Variants in MGAT4C observed in about 807,000 individuals in gnomAD.
MGAT4C encodes the protein alpha-1,3-mannosyl-glycoprotein 4-beta-N-acetylglucosaminyltransferase C.
Under a neutral mutation model 40.1 loss-of-function variants are expected in MGAT4C, and 19 were observed. The ratio of observed to expected loss-of-function variants is 0.47; its 90% CI spans 0.33 to 0.70. MGAT4C has a LOEUF of 0.70. Ranked by LOEUF, MGAT4C falls within the 30% of genes least tolerant of loss-of-function variation. The pLI, the probability that MGAT4C is intolerant of heterozygous loss-of-function variation, is 0.02. For missense variants in MGAT4C, 491 were observed against 563.2 expected (o/e 0.87, Z 1.30); for synonymous variants, 181 against 187.1 (o/e 0.97, Z 0.27).
At chr12:86,296,397 C>T (rs1592662427) in intron 4 of MGAT4C, among the ~76,000 whole-genome samples, 1 of 30,968 alleles carries the variant, frequency 3.2e-5, no homozygotes, top group Non-Finnish European at 9.7e-5. Flanking sequence ...CCGTGCCATG[C>T]GCTCGCACTC....
At chr12:86,379,253 C>T (rs756387345) in intron 3 of MGAT4C, among the ~76,000 whole-genome samples, 17 of 151,934 alleles carry the variant, frequency 1.1e-4, no homozygotes, top group Non-Finnish European at 2.2e-4. Context: ...AAGCTATCAC[C>T]ATTACTTGAC....
chr12:86,195,388 C>T (rs1949764312), intron 1 of MGAT4C, among the ~76,000 whole-genome samples: 1 of 152,022 alleles, frequency 6.6e-6, no homozygotes, highest in South Asian at 2.1e-4. Context: ...TTTTATTAGG[C>T]TATCAGTAAG....
intron 1 of MGAT4C, among the ~76,000 whole-genome samples, chr12:86,132,746 C>G (rs1254708102): frequency 7.5e-6 from 1 of 133,890 alleles, no homozygotes; most frequent in African/African-American, 2.9e-5. Flanking sequence ...GAGCAGAGAT[C>G]GCGCCACTGC....
chr12:86,308,529 A>G (rs567481387), intron 4 of MGAT4C, among the ~76,000 whole-genome samples: 1 of 150,756 alleles, frequency 6.6e-6, no homozygotes. Context: ...AAAAATAGGG[A>G]TTTAGGCATT....
At chr12:86,210,349 T>C (rs1950412973) in intron 1 of MGAT4C, among the ~76,000 whole-genome samples, 1 of 152,166 alleles carries the variant, frequency 6.6e-6, no homozygotes, top group South Asian at 2.1e-4. Context: ...TGTCTAGAAA[T>C]GAAGTAAACA....
rs12321594 is a variant in MGAT4C at position 86,476,604 on chromosome 12, T to A, written c.-228-41339A>T. Among the ~76,000 whole-genome samples the A allele has an allele frequency of 9.6e-3, 1,460 of 151,726 alleles. 23 individuals are homozygous for A. The highest frequency in any genetic ancestry group is 0.029 in the African/African-American group (1,208 of 41,326). On this transcript the variant is annotated intron_variant, in intron 2 of 7. Transcript: ENST00000548651. ...TTATATACCCAAAGGAAAAAAAAAA[T>A]TTATCAAAAAGACACATGTATTTGT...
At position 86,417,170 on chromosome 12, in the gene MGAT4C, TC is replaced by T. The variant is rs541586196; in HGVS notation, c.-120+17986del. ...AACTAAATAGTTGAATATTTTTTTT[TC>T]AAAATTGGTTGGTTTATGAGATATA... On this transcript the variant is annotated intron_variant, in intron 3 of 7. Transcript: ENST00000548651. Among the ~76,000 whole-genome samples, 15 of 152,202 alleles carry T rather than the reference TC, an allele frequency of 9.9e-5. No individual in the cohort carries two copies. In the South Asian group the frequency reaches 3.1e-3, roughly 32 times the overall value.
Position 86,774,343 on chromosome 12 carries a change from C to T in MGAT4C, c.-261-47102G>A, listed in dbSNP as rs1565981659. Among the ~76,000 whole-genome samples, 199 of 54,444 alleles carry T rather than the reference C, an allele frequency of 3.7e-3. 4 individuals carry two copies. The highest frequency in any genetic ancestry group is 7.2e-3 in the Admixed American group (34 of 4,714). The allele number at this position is 54,444 out of a possible 152,430, so 35.7% of individuals were successfully genotyped here. On this transcript the variant is annotated intron_variant, in intron 1 of 7. Transcript: ENST00000548651. Reference sequence around the variant, plus strand: ...TCTTTCTTTCTTTCTTTCTTTCTGTCTCTCTCTCTCCCCTCTCTCTCTCTC... The same window carrying T: ...TCTTTCTTTCTTTCTTTCTTTCTGTTTCTCTCTCTCCCCTCTCTCTCTCTC...
intron 1 of MGAT4C, among the ~76,000 whole-genome samples, chr12:86,739,863 C>A (rs902894807): frequency 6.6e-6 from 1 of 150,636 alleles, no homozygotes; most frequent in Non-Finnish European, 1.5e-5. Flanking sequence ...CACAAACACA[C>A]ACACACACAC....
intron 2 of MGAT4C, among the ~76,000 whole-genome samples, chr12:86,468,954 C>A (rs1283315673): frequency 6.6e-6 from 1 of 151,930 alleles, no homozygotes; most frequent in East Asian, 1.9e-4. Flanking sequence ...GTCTTTTTTG[C>A]TTATCTTTGT....
At chr12:86,606,111 C>T (rs1441648525) in intron 2 of MGAT4C, among the ~76,000 whole-genome samples, 1 of 151,912 alleles carries the variant, frequency 6.6e-6, no homozygotes, top group African/African-American at 2.4e-5. Context: ...TGAAAACTCA[C>T]TATCATGAGA....
chr12:86,717,361 T>A (rs927603898), intron 2 of MGAT4C, among the ~76,000 whole-genome samples: 1 of 152,130 alleles, frequency 6.6e-6, no homozygotes, highest in Admixed American at 6.6e-5. Flanking sequence ...AAGAATTTTG[T>A]ATTAAAACTT....
At chr12:86,729,071 G>T (rs952229670) in intron 1 of MGAT4C, among the ~76,000 whole-genome samples, 2 of 152,126 alleles carry the variant, frequency 1.3e-5, no homozygotes, top group African/African-American at 2.4e-5. Context: ...AAGTGATTTT[G>T]CAAGAAGACA....
intron 4 of MGAT4C, among the ~76,000 whole-genome samples, chr12:86,303,551 A>T (rs1358939537): frequency 2.2e-5 from 2 of 92,224 alleles, no homozygotes; most frequent in African/African-American, 7.5e-5. Flanking sequence ...TGATTGAAGG[A>T]AGACACTTAA....
chr12:86,238,232 T>C (rs573234035), intron 1 of MGAT4C, among the ~76,000 whole-genome samples: 20 of 152,014 alleles, frequency 1.3e-4, no homozygotes, highest in Non-Finnish European at 2.7e-4. Context: ...GTACATTGCA[T>C]AGTCAAGTAA....
intron 2 of MGAT4C, among the ~76,000 whole-genome samples, chr12:86,566,277 C>T (rs1428318428): frequency 1.3e-5 from 2 of 151,562 alleles, no homozygotes; most frequent in African/African-American, 4.8e-5. Flanking sequence ...CACCCTTAAC[C>T]TGGGTGGGCA....
chr12:86,633,513 C>G (rs1364213598), intron 2 of MGAT4C, among the ~76,000 whole-genome samples: 1 of 151,968 alleles, frequency 6.6e-6, no homozygotes, highest in East Asian at 1.9e-4. Context: ...ATACTCATTA[C>G]TAAGAAAATA....
chr12:86,420,061 T>A (rs1320650288), intron 3 of MGAT4C, among the ~76,000 whole-genome samples: 4 of 151,526 alleles, frequency 2.6e-5, no homozygotes, highest in Non-Finnish European at 5.9e-5. Flanking sequence ...AACTCTGAGT[T>A]ATTCATGTAG....
chr12:86,419,352 G>A (rs1174834202), intron 3 of MGAT4C, among the ~76,000 whole-genome samples: 1 of 151,364 alleles, frequency 6.6e-6, no homozygotes, highest in Non-Finnish European at 1.5e-5. Flanking sequence ...AAGAAACTGA[G>A]TTTTATTTCA....
Sources: allele counts gnomAD v4.1 joint callset (sites outside exome capture counted in the v4.1 genomes callset), GRCh38; gene constraint gnomAD v4.1.1; transcripts MANE v1.5; gene names NCBI Gene and HGNC (gene_info 2026-07-23, HGNC 2026-07-21).